Variants in RYR2 observed in about 807,000 individuals in gnomAD.
RYR2 encodes ryanodine receptor 2.
In RYR2, 227 loss-of-function variants were observed where a neutral mutation model predicts 601.1. The ratio of observed to expected loss-of-function variants is 0.38; its 90% CI spans 0.34 to 0.42. The LOEUF is 0.42. RYR2 is among the 10% of genes least tolerant of loss of function. The probability of loss-of-function intolerance (pLI) is 1.00; values close to 1 mark genes in which losing one functional copy is unlikely to be tolerated. For synonymous variants in RYR2, 2,223 were observed against 2,175.1 expected, an observed-to-expected ratio of 1.02 and a Z score of -0.61; for missense variants, 4,646 against 6,156.5, an observed-to-expected ratio of 0.75 and a Z score of 8.21.
intron 20 of RYR2, among the ~76,000 whole-genome samples, chr1:237,499,352 G>A (rs1032231487): frequency 1.3e-5 from 2 of 152,134 alleles, no homozygotes; most frequent in Admixed American, 1.3e-4. Flanking sequence ...AAAAATCTTG[G>A]TGCTTTGAGA....
rs373085971 is a variant in RYR2, at chr1:237,355,932, T to C, written c.274-33T>C. ...TGAAACATTGCTAGGTATTTGTTTG[T>C]TTGTTATTTATTTTGGCTTTTTCTT... On this transcript the variant is annotated intron_variant, in intron 3 of 104. Coordinates refer to ENST00000366574, the MANE Select transcript of RYR2 (RefSeq NM_001035.3). 24 of 1,576,982 alleles carry C rather than the reference T, an allele frequency of 1.5e-5. No individual in the cohort carries two copies. The African/African-American group carries it at 2.7e-4, about 18-fold the overall frequency.
chr1:237,237,446 A>T (rs115637802), intron 1 of RYR2, among the ~76,000 whole-genome samples: 1 of 152,222 alleles, frequency 6.6e-6, no homozygotes, highest in South Asian at 2.1e-4. Flanking sequence ...AGTTCATGCT[A>T]TGAAAAGAAG....
At chr1:237,102,692 C>A (rs769947356) in intron 1 of RYR2, among the ~76,000 whole-genome samples, 14 of 151,986 alleles carry the variant, frequency 9.2e-5, no homozygotes, top group Non-Finnish European at 7.4e-5. Context: ...CCCTTCTCTA[C>A]TAAAAATACA....
intron 12 of RYR2, among the ~76,000 whole-genome samples, chr1:237,428,878 A>G (rs1558802332): frequency 6.6e-6 from 1 of 152,166 alleles, no homozygotes; most frequent in Non-Finnish European, 1.5e-5. Context: ...AGAAACAAAC[A>G]GAAAATCTTA....
intron 1 of RYR2, among the ~76,000 whole-genome samples, chr1:237,056,643 T>C (rs201828865): frequency 0.21 from 4,272 of 20,820 alleles, 81 homozygotes; most frequent in Middle Eastern, 0.35. Flanking sequence ...AGGACTGGAG[T>C]ACTGCAGCTA....
chr1:237,636,261 G>A (rs1249724647), intron 44 of RYR2, among the ~76,000 whole-genome samples: 1 of 152,050 alleles, frequency 6.6e-6, no homozygotes, highest in Non-Finnish European at 1.5e-5. Flanking sequence ...AAGCCAGGGA[G>A]GTCAGAGTGG....
At chr1:237,757,053 T>C (rs1394342363) in intron 81 of RYR2, among the ~76,000 whole-genome samples, 1 of 152,198 alleles carries the variant, frequency 6.6e-6, no homozygotes, top group Non-Finnish European at 1.5e-5. Flanking sequence ...TAAATATAAT[T>C]TGTAATGGAA....
intron 11 of RYR2, among the ~76,000 whole-genome samples, chr1:237,418,739 AT>A (rs1558785722): frequency 4.6e-5 from 7 of 152,090 alleles, no homozygotes; most frequent in African/African-American, 1.2e-4. Flanking sequence ...ATTTATATAA[AT>A]TTATTTCTTA....
Position 237,506,780 on chromosome 1 carries a change from T to A in RYR2, c.2684T>A (p.Met895Lys). Residue 895 changes from methionine to lysine, a missense_variant, in exon 23 of 105, where the codon ATG becomes AAG. Coordinates refer to ENST00000366574, the MANE Select transcript of RYR2 (RefSeq NM_001035.3). ...GAGAATATCCATGAACTCTGGGTTA[T>A]GAATAAAATTGAGCTTGGCTGGCAG... is the stretch of plus-strand genomic sequence containing the variant. ...LAENIHELWV[M>K]NKIELGWQYG... 6.2e-7 allele frequency: 1 copy of A among 1,613,844 alleles called. No homozygotes were observed. Among genetic ancestry groups the A allele is most frequent in the Non-Finnish European group, 8.5e-7 (1 of 1,179,762 alleles).
At chr1:237,402,230 C>CAAA (rs5781953) in intron 10 of RYR2, among the ~76,000 whole-genome samples, 6,004 of 144,334 alleles carry the variant, frequency 0.042, 201 homozygotes, top group Non-Finnish European at 0.069. Context: ...CTTGTCTCTA[C>CAAA]AAAAAAAAAA....
At chr1:237,293,009 C>T (rs1692397450) in intron 2 of RYR2, among the ~76,000 whole-genome samples, 1 of 151,590 alleles carries the variant, frequency 6.6e-6, no homozygotes, top group South Asian at 2.1e-4. Context: ...TTTCTCTTCT[C>T]CTCTCAGACA....
intron 1 of RYR2, among the ~76,000 whole-genome samples, chr1:237,072,349 T>C (rs747537143): frequency 6.6e-6 from 1 of 152,178 alleles, no homozygotes; most frequent in Non-Finnish European, 1.5e-5. Flanking sequence ...TTTAGCAAAC[T>C]CCACTTTCCA....
intron 3 of RYR2, among the ~76,000 whole-genome samples, chr1:237,346,570 G>A (rs1036619802): frequency 2.6e-5 from 4 of 152,080 alleles, no homozygotes; most frequent in Non-Finnish European, 4.4e-5. Flanking sequence ...CTTGTATTGA[G>A]TTGTATGTGT....
Position 237,730,372 on chromosome 1 carries a change from G to A in RYR2, c.10935+16G>A, listed in dbSNP as rs1690567977. ...AGATTTAGCAGTATGTTTTTAGTGG[G>A]GCTCTAAGATGAAAGAGGGTCTAGG... is the stretch of plus-strand genomic sequence containing the variant. On this transcript the variant is annotated intron_variant, in intron 77 of 104. Coordinates refer to ENST00000366574, the MANE Select transcript of RYR2 (RefSeq NM_001035.3). 2 of 1,410,952 alleles carry A rather than the reference G, an allele frequency of 1.4e-6. No homozygotes were observed. The highest frequency in any genetic ancestry group is 1.0e-6 in the Non-Finnish European group (1 of 995,634). 87.4% of individuals were successfully genotyped at this position (1,410,952 alleles called of 1,614,324 possible).
chr1:237,045,868 GGTTT>G (rs1377754654), intron 1 of RYR2, among the ~76,000 whole-genome samples: 1 of 103,592 alleles, frequency 9.7e-6, no homozygotes, highest in Admixed American at 1.1e-4. Context: ...CCTTGGTCAA[GGTTT>G]TTTTTTTTTT....
At chr1:237,321,191 G>T (rs1211121617) in intron 2 of RYR2, among the ~76,000 whole-genome samples, 1 of 151,132 alleles carries the variant, frequency 6.6e-6, no homozygotes, top group Non-Finnish European at 1.5e-5. Context: ...CTTATTTCAT[G>T]ATGAGAATTA....
intron 19 of RYR2, 44 bp from the exon 20 acceptor site, chr1:237,496,467 G>GT (rs754254428): frequency 5.0e-6 from 8 of 1,597,352 alleles, no homozygotes; most frequent in Middle Eastern, 1.7e-4. Flanking sequence ...ACAATGAAAG[G>GT]TTTTTTTGGA....
chr1:237,398,086 T>A (rs537209965), intron 10 of RYR2, among the ~76,000 whole-genome samples: 2 of 152,240 alleles, frequency 1.3e-5, no homozygotes, highest in East Asian at 3.9e-4. Context: ...TATTTTAACA[T>A]GAATGCCGGC....
At chr1:237,434,784 T>G (rs1457544331) in intron 12 of RYR2, among the ~76,000 whole-genome samples, 2 of 151,950 alleles carry the variant, frequency 1.3e-5, no homozygotes, top group Non-Finnish European at 2.9e-5. Context: ...ATATAAAACT[T>G]TTTTTTTGAG....
Sources: gnomAD v4.1 joint callset for allele counts (sites outside exome capture counted in the v4.1 genomes callset) on GRCh38, gnomAD v4.1.1 for gene constraint, MANE v1.5 for transcripts, NCBI Gene and HGNC (gene_info 2026-07-23, HGNC 2026-07-21) for gene names.